Variants in EPHA5 observed in about 807,000 individuals in gnomAD.
The protein encoded by EPHA5 is EPH receptor A5, also known as ephrin type-A receptor 5.
A neutral mutation model predicts 105.0 loss-of-function variants in EPHA5; 60 were observed. That is an observed-to-expected ratio of 0.57 (90% CI 0.46 to 0.71). The LOEUF (loss-of-function observed/expected upper bound fraction) is 0.71. EPHA5 is among the 30% of genes least tolerant of loss of function. The pLI, the probability that EPHA5 is intolerant of heterozygous loss-of-function variation, is 0.00. For missense variants in EPHA5, 1,218 were observed against 1,274.7 expected, an observed-to-expected ratio of 0.96 and a Z score of 0.68; for synonymous variants, 513 against 449.1, an observed-to-expected ratio of 1.14 and a Z score of -1.80.
chr4:65,397,438 T>G (rs1417039181), intron 8 of EPHA5, among the ~76,000 whole-genome samples: 2 of 152,138 alleles, frequency 1.3e-5, no homozygotes, highest in Non-Finnish European at 2.9e-5. Context: ...TAAAACATTT[T>G]TGTCAAGGAC....
chr4:65,599,255 A>G (rs918639959), intron 3 of EPHA5, among the ~76,000 whole-genome samples: 12 of 151,556 alleles, frequency 7.9e-5, no homozygotes, highest in Non-Finnish European at 1.8e-4. Flanking sequence ...GCTTATTTAG[A>G]AGGATGATTC....
chr4:65,327,429 C>A (rs1348230736), intron 16 of EPHA5, among the ~76,000 whole-genome samples: 1 of 151,218 alleles, frequency 6.6e-6, no homozygotes. Context: ...TCATCCTAAA[C>A]CCATCTCCCC....
intron 8 of EPHA5, among the ~76,000 whole-genome samples, chr4:65,381,359 A>C (rs1719542587): frequency 1.3e-5 from 2 of 151,760 alleles, no homozygotes; most frequent in Non-Finnish European, 2.9e-5. Context: ...GGCATATGTC[A>C]AATGTGTAAG....
intron 5 of EPHA5, among the ~76,000 whole-genome samples, chr4:65,438,400 G>A (rs1578118326): frequency 6.6e-6 from 1 of 151,438 alleles, no homozygotes; most frequent in South Asian, 2.1e-4. Context: ...GGATATTAAT[G>A]TAAATTTAAA....
chr4:65,428,789 T>G (rs1724698119), intron 5 of EPHA5, among the ~76,000 whole-genome samples: 1 of 152,078 alleles, frequency 6.6e-6, no homozygotes, highest in South Asian at 2.1e-4. Flanking sequence ...TTACAGTTCA[T>G]AGTTGAAATC....
At chr4:65,447,130 A>T (rs1311212008) in intron 5 of EPHA5, among the ~76,000 whole-genome samples, 1 of 151,642 alleles carries the variant, frequency 6.6e-6, no homozygotes, top group Non-Finnish European at 1.5e-5. Flanking sequence ...AGGATCACAG[A>T]CATGTGCCAC....
At chr4:65,442,041 A>T (rs1726066355) in intron 5 of EPHA5, among the ~76,000 whole-genome samples, 1 of 152,184 alleles carries the variant, frequency 6.6e-6, no homozygotes, top group African/African-American at 2.4e-5. Flanking sequence ...TATATACATA[A>T]ACAGGCTATG....
chr4:65,365,674 TA>T (rs1490990221), intron 10 of EPHA5, among the ~76,000 whole-genome samples: 1,283 of 107,334 alleles, frequency 0.012, 107 homozygotes, highest in Non-Finnish European at 0.02. Flanking sequence ...TATATATATA[TA>T]TATATATATA....
chr4:65,370,418 T>C (rs1718344562), intron 8 of EPHA5, among the ~76,000 whole-genome samples: 1 of 152,112 alleles, frequency 6.6e-6, no homozygotes, highest in African/African-American at 2.4e-5. Context: ...TATCCAGAGA[T>C]TTATGTTATT....
intron 2 of EPHA5, among the ~76,000 whole-genome samples, chr4:65,617,136 C>A (rs1056875556): frequency 9.9e-5 from 15 of 152,036 alleles, no homozygotes; most frequent in African/African-American, 3.1e-4. Flanking sequence ...TGGCTGACAG[C>A]TGCTAAGAGA....
chr4:65,514,008 T>G (rs1468141171), intron 3 of EPHA5, among the ~76,000 whole-genome samples: 1 of 151,846 alleles, frequency 6.6e-6, no homozygotes, highest in Non-Finnish European at 1.5e-5. Flanking sequence ...TAAATTCTTC[T>G]TTATCTATAA....
chr4:65,644,493 T>C (rs1413568118), intron 1 of EPHA5, among the ~76,000 whole-genome samples: 3 of 152,072 alleles, frequency 2.0e-5, no homozygotes, highest in African/African-American at 7.2e-5. Flanking sequence ...CCTTAAGCTG[T>C]ATTCAAAAGC....
intron 16 of EPHA5, 49 bp from the exon 17 acceptor site, chr4:65,324,268 AC>A (rs781672528): frequency 3.1e-5 from 41 of 1,304,328 alleles, no homozygotes; most frequent in Non-Finnish European, 4.5e-5. Flanking sequence ...TTTGTAGCAC[AC>A]CTCAATATTT....
chr4:65,497,546 T>G (rs1373328257), intron 3 of EPHA5, among the ~76,000 whole-genome samples: 1 of 152,098 alleles, frequency 6.6e-6, no homozygotes, highest in Non-Finnish European at 1.5e-5. Context: ...CATACTTAGC[T>G]AAGTTATTCA....
intron 7 of EPHA5, among the ~76,000 whole-genome samples, chr4:65,406,680 T>C (rs1006665766): frequency 1.3e-5 from 2 of 152,162 alleles, no homozygotes; most frequent in African/African-American, 4.8e-5. Context: ...GTGACAAATT[T>C]ATATCTCCAA....
chr4:65,520,078 T>C (rs1734530278), intron 3 of EPHA5, among the ~76,000 whole-genome samples: 2 of 152,210 alleles, frequency 1.3e-5, no homozygotes, highest in African/African-American at 4.8e-5. Flanking sequence ...AAGACAATCC[T>C]AAGCCAAAAG....
At chr4:65,371,120 T>C (rs1009112370) in intron 8 of EPHA5, among the ~76,000 whole-genome samples, 1 of 152,146 alleles carries the variant, frequency 6.6e-6, no homozygotes, top group African/African-American at 2.4e-5. Flanking sequence ...AAACTATTTT[T>C]TTAAATTTTG....
chr4:65,604,695 A>C (rs1252996579), intron 2 of EPHA5, among the ~76,000 whole-genome samples: 4 of 151,730 alleles, frequency 2.6e-5, no homozygotes, highest in Non-Finnish European at 5.9e-5. Flanking sequence ...CATGAAGAGA[A>C]TATCTTGCTG....
chr4:65,540,711 T>C (rs1199963709), intron 3 of EPHA5, among the ~76,000 whole-genome samples: 1 of 151,248 alleles, frequency 6.6e-6, no homozygotes, highest in Non-Finnish European at 1.5e-5. Context: ...TCTTAGATTG[T>C]AAGGTACTGG....
Sources: allele counts gnomAD v4.1 joint callset (sites outside exome capture counted in the v4.1 genomes callset), GRCh38; gene constraint gnomAD v4.1.1; transcripts MANE v1.5; gene names NCBI Gene and HGNC (gene_info 2026-07-23, HGNC 2026-07-21).